SBF2: variants seen among roughly 807,000 people sequenced by gnomAD.
SBF2 encodes the protein myotubularin-related protein 13.
A neutral mutation model predicts 225.2 loss-of-function variants in SBF2; 112 were observed. That is an observed-to-expected ratio of 0.50 (90% CI 0.43 to 0.58). SBF2 has a LOEUF of 0.58. Ranked by LOEUF, SBF2 falls within the 20% of genes least tolerant of loss-of-function variation. The pLI, the probability that SBF2 is intolerant of heterozygous loss-of-function variation, is 0.00. For synonymous variants in SBF2, 763 were observed against 773.3 expected, an observed-to-expected ratio of 0.99 and a Z score of 0.22; for missense variants, 1,996 against 2,206.2, an observed-to-expected ratio of 0.90 and a Z score of 1.91.
chr11:10,229,545 T>C (rs1228790476), intron 1 of SBF2, among the ~76,000 whole-genome samples: 1 of 152,030 alleles, frequency 6.6e-6, no homozygotes, highest in Non-Finnish European at 1.5e-5. Context: ...AAGAACTCTT[T>C]ATTTCTGCCT....
intron 6 of SBF2, among the ~76,000 whole-genome samples, chr11:10,025,562 T>C (rs1949019877): frequency 6.6e-6 from 1 of 152,174 alleles, no homozygotes; most frequent in South Asian, 2.1e-4. Flanking sequence ...TTGGCAATTA[T>C]TTACTGGCTC....
chr11:9,867,665 A>G (rs1320023900), intron 17 of SBF2, among the ~76,000 whole-genome samples: 3 of 152,262 alleles, frequency 2.0e-5, no homozygotes, highest in Non-Finnish European at 4.4e-5. Flanking sequence ...GTATATATAC[A>G]TAGTGGAATA....
rs1354805148 is a variant in SBF2, at chr11:10,294,135, C to A, written c.-66G>T. ...GCCCTCGCCGCCGCCGCCCACCCGG[C>A]CCGGGAGGGCTCAGCATTTTCCCTG... is the stretch of plus-strand genomic sequence containing the variant. On this transcript the variant is annotated 5_prime_UTR_variant, in exon 1 of 40. Transcript: ENST00000256190. 5.8e-6 allele frequency: 7 copies of A among 1,202,204 alleles called. No homozygotes were observed. Among genetic ancestry groups the A allele is most frequent in the Non-Finnish European group, 6.4e-6 (6 of 938,922 alleles). 74.5% of individuals were successfully genotyped at this position (1,202,204 alleles called of 1,614,324 possible). A position where few individuals can be genotyped will look rare whatever the true frequency, so the allele number is the denominator to read the frequency against.
chr11:10,264,153 T>A (rs1406126602), intron 1 of SBF2, among the ~76,000 whole-genome samples: 2 of 152,204 alleles, frequency 1.3e-5, no homozygotes. Flanking sequence ...AGCTCTTGAG[T>A]ATTCCTTATA....
At chr11:9,909,382 C>G (rs1407667793) in intron 16 of SBF2, among the ~76,000 whole-genome samples, 1 of 151,780 alleles carries the variant, frequency 6.6e-6, no homozygotes, top group Non-Finnish European at 1.5e-5. Flanking sequence ...TATAAGATAC[C>G]CTGAGGCGGC....
intron 13 of SBF2, among the ~76,000 whole-genome samples, chr11:9,979,194 A>G (rs1946835064): frequency 6.6e-6 from 1 of 152,190 alleles, no homozygotes; most frequent in Non-Finnish European, 1.5e-5. Flanking sequence ...AATGGGGATA[A>G]TGACACCTGC....
chr11:10,041,115 C>A (rs889046945), intron 3 of SBF2, among the ~76,000 whole-genome samples: 6 of 151,890 alleles, frequency 4.0e-5, no homozygotes, highest in African/African-American at 1.5e-4. Flanking sequence ...TGAAGCGATA[C>A]CCTCAAGAAT....
chr11:9,890,140 G>C (rs1430527783), intron 17 of SBF2, among the ~76,000 whole-genome samples: 5 of 152,154 alleles, frequency 3.3e-5, no homozygotes, highest in Non-Finnish European at 1.5e-5. Context: ...CCTGACCTCA[G>C]GTGATCCAAC....
chr11:9,935,215 G>C (rs1247164995), intron 16 of SBF2, among the ~76,000 whole-genome samples: 1 of 152,106 alleles, frequency 6.6e-6, no homozygotes, highest in Non-Finnish European at 1.5e-5. Flanking sequence ...TTGCTACTAA[G>C]AGAATAAAAT....
chr11:9,841,241 G>C (rs980134246), intron 25 of SBF2, among the ~76,000 whole-genome samples: 1 of 152,126 alleles, frequency 6.6e-6, no homozygotes, highest in African/African-American at 2.4e-5. Flanking sequence ...TTAATTTTCA[G>C]AGGAGCAAAG....
chr11:10,252,784 G>T (rs533027272), intron 1 of SBF2, among the ~76,000 whole-genome samples: 1 of 149,716 alleles, frequency 6.7e-6, no homozygotes, highest in East Asian at 1.9e-4. Context: ...TCGCGCCACT[G>T]CACTCCAGCC....
chr11:10,196,031 G>A (rs1367332841), intron 1 of SBF2, among the ~76,000 whole-genome samples: 1 of 152,000 alleles, frequency 6.6e-6, no homozygotes, highest in Non-Finnish European at 1.5e-5. Context: ...ATCAATTCGG[G>A]GAAACAAACA....
At chr11:9,935,169 C>T (rs150704901) in intron 16 of SBF2, among the ~76,000 whole-genome samples, 15 of 152,130 alleles carry the variant, frequency 9.9e-5, no homozygotes, top group Admixed American at 3.3e-4. Flanking sequence ...AACAGACAAA[C>T]GGAGAGCCAA....
chr11:10,223,661 C>CT (rs1336837873), intron 1 of SBF2, among the ~76,000 whole-genome samples: 1 of 151,884 alleles, frequency 6.6e-6, no homozygotes, highest in Admixed American at 6.6e-5. Flanking sequence ...AATGGCATGA[C>CT]TTTTGTCTGT....
At position 9,849,697 on chromosome 11, in the gene SBF2, C is replaced by T. The variant is rs972571592; in HGVS notation, c.2806+326G>A. On this transcript the variant is annotated intron_variant, in intron 22 of 39. Transcript: ENST00000256190. ...ACAGTTAACTGTAGGACTCAGAAAG[C>T]GTGGACAAACCAGCAAGGGATATAT... 2.6e-5 allele frequency among the ~76,000 whole-genome samples: 4 copies of T among 152,114 alleles called. No individual in the cohort carries two copies. The East Asian group carries it at 5.8e-4, about 22-fold the overall frequency.
At chr11:10,049,522 G>A (rs570308580) in intron 2 of SBF2, among the ~76,000 whole-genome samples, 36 of 152,026 alleles carry the variant, frequency 2.4e-4, no homozygotes, top group Middle Eastern at 3.2e-3. Context: ...CAGAAGAATC[G>A]CTTGAACCTG....
At chr11:10,148,970 T>G (rs1053508274) in intron 2 of SBF2, among the ~76,000 whole-genome samples, 1 of 152,192 alleles carries the variant, frequency 6.6e-6, no homozygotes, top group Non-Finnish European at 1.5e-5. Context: ...GAAGTTGGTG[T>G]TGAGAAGTAT....
At chr11:9,920,918 A>C (rs1478783883) in intron 16 of SBF2, among the ~76,000 whole-genome samples, 1 of 151,792 alleles carries the variant, frequency 6.6e-6, no homozygotes, top group South Asian at 2.1e-4. Context: ...TCCTACCCTT[A>C]ATTTTCCCAT....
At chr11:9,996,114 G>A (rs1357662472) in intron 9 of SBF2, among the ~76,000 whole-genome samples, 3 of 152,086 alleles carry the variant, frequency 2.0e-5, no homozygotes, top group East Asian at 1.9e-4. Context: ...TTAGGTATAC[G>A]AGTATGCAGC....
Sources: allele counts gnomAD v4.1 joint callset (sites outside exome capture counted in the v4.1 genomes callset), GRCh38; gene constraint gnomAD v4.1.1; transcripts MANE v1.5; gene names NCBI Gene and HGNC (gene_info 2026-07-23, HGNC 2026-07-21).